Variants in NAALADL2 observed in about 807,000 individuals in gnomAD.
NAALADL2 encodes the protein inactive N-acetylated-alpha-linked acidic dipeptidase-like protein 2.
A neutral mutation model predicts 87.2 loss-of-function variants in NAALADL2; 76 were observed. The ratio of observed to expected loss-of-function variants is 0.87; its 90% CI spans 0.72 to 1.05. The LOEUF is 1.05. NAALADL2 is among the 50% of genes least tolerant of loss of function. NAALADL2 has a pLI of 0.00. For synonymous variants in NAALADL2, 354 were observed against 331.0 expected, an observed-to-expected ratio of 1.07 and a Z score of -0.75; for missense variants, 1,089 against 945.8, an observed-to-expected ratio of 1.15 and a Z score of -1.99.
At chr3:175,337,206 T>C (rs1762073029) in intron 5 of NAALADL2, among the ~76,000 whole-genome samples, 1 of 152,040 alleles carries the variant, frequency 6.6e-6, no homozygotes, top group South Asian at 2.1e-4. Flanking sequence ...CAAAAGAGTC[T>C]TGGTTGGTCT....
chr3:175,589,017 A>G (rs886987300), intron 10 of NAALADL2, among the ~76,000 whole-genome samples: 12 of 152,184 alleles, frequency 7.9e-5, no homozygotes, highest in African/African-American at 2.9e-4. Flanking sequence ...ATACCAAAAT[A>G]TTTTAGGCAA....
chr3:175,091,436 T>C (rs1009462876), intron 1 of NAALADL2, among the ~76,000 whole-genome samples: 2 of 152,056 alleles, frequency 1.3e-5, no homozygotes, highest in African/African-American at 4.8e-5. Context: ...TCATAGGAAA[T>C]TGAGATTCTG....
rs143996583 is a variant in NAALADL2 at position 174,871,481 on chromosome 3, A to G, written c.43+12031A>G. Reference sequence around the variant, plus strand: ...CCAGTGAAAGTTTGCCACATAGGCTAAAAATGAAGGATGAAGGATTATTAT... The same window carrying G: ...CCAGTGAAAGTTTGCCACATAGGCTGAAAATGAAGGATGAAGGATTATTAT... On this transcript the variant is annotated intron_variant, in intron 1 of 13. Coordinates refer to ENST00000454872, the MANE Select transcript of NAALADL2 (RefSeq NM_207015.3). Among the ~76,000 whole-genome samples the G allele has an allele frequency of 1.6e-4, 25 of 152,354 alleles. No individual in the cohort carries two copies. In the East Asian group the frequency reaches 4.0e-3, roughly 25 times the overall value.
chr3:175,653,004 C>T (rs1214159453), intron 11 of NAALADL2, among the ~76,000 whole-genome samples: 3 of 152,050 alleles, frequency 2.0e-5, no homozygotes, highest in African/African-American at 4.8e-5. Context: ...ATGTATTGTA[C>T]ACTGTATTCT....
intron 4 of NAALADL2, among the ~76,000 whole-genome samples, chr3:175,264,786 T>G (rs1332339329): frequency 6.6e-6 from 1 of 151,586 alleles, no homozygotes; most frequent in Non-Finnish European, 1.5e-5. Context: ...ATTAAGGTGA[T>G]GAAATTATAT....
At chr3:175,784,175 G>GTGTC (rs1276498106) in intron 13 of NAALADL2, among the ~76,000 whole-genome samples, 1 of 148,470 alleles carries the variant, frequency 6.7e-6, no homozygotes, top group East Asian at 2.0e-4. Context: ...TTTTTTGGTT[G>GTGTC]TGTCTCTGCC....
chr3:175,273,791 A>G (rs1581218662), intron 4 of NAALADL2, among the ~76,000 whole-genome samples: 1 of 152,118 alleles, frequency 6.6e-6, no homozygotes, highest in East Asian at 1.9e-4. Context: ...ATATACATCT[A>G]TTATGGATAA....
At chr3:174,991,297 AAT>A (rs1746708081) in intron 1 of NAALADL2, among the ~76,000 whole-genome samples, 1 of 152,114 alleles carries the variant, frequency 6.6e-6, no homozygotes, top group South Asian at 2.1e-4. Context: ...ACATTCTAGT[AAT>A]AGAGATTTAA....
chr3:175,246,480 T>C (rs1383374982), intron 3 of NAALADL2, among the ~76,000 whole-genome samples: 3 of 152,166 alleles, frequency 2.0e-5, no homozygotes, highest in African/African-American at 7.2e-5. Flanking sequence ...ATGTCAAGTC[T>C]AAAAGACTTC....
intron 13 of NAALADL2, among the ~76,000 whole-genome samples, chr3:175,763,956 G>C (rs1221823963): frequency 1.3e-5 from 2 of 151,992 alleles, no homozygotes; most frequent in Non-Finnish European, 2.9e-5. Context: ...TCTTTCATTT[G>C]GATTGATTTG....
At chr3:175,129,935 C>A (rs139802207) in intron 2 of NAALADL2, among the ~76,000 whole-genome samples, 1,889 of 152,248 alleles carry the variant, frequency 0.012, 30 homozygotes, top group African/African-American at 0.041. Context: ...ACATTCCCAA[C>A]AATAGTGTAC....
intron 3 of NAALADL2, among the ~76,000 whole-genome samples, chr3:174,848,701 T>C (rs376817894): frequency 6.6e-6 from 1 of 152,228 alleles, no homozygotes; most frequent in Non-Finnish European, 1.5e-5. Context: ...TTTTGTAATG[T>C]GTGTTTTAAA....
At chr3:175,703,398 T>C (rs1739244216) in intron 11 of NAALADL2, among the ~76,000 whole-genome samples, 1 of 152,160 alleles carries the variant, frequency 6.6e-6, no homozygotes, top group African/African-American at 2.4e-5. Context: ...CAGTCCCCAA[T>C]ACATGTACTA....
intron 1 of NAALADL2, among the ~76,000 whole-genome samples, chr3:174,441,216 G>C (rs1386815605): frequency 6.6e-6 from 1 of 151,908 alleles, no homozygotes; most frequent in Non-Finnish European, 1.5e-5. Context: ...AAGTACGGGG[G>C]CCGAGGGGCG....
At chr3:175,578,716 CAA>C (rs1006726855) in intron 10 of NAALADL2, among the ~76,000 whole-genome samples, 45 of 152,212 alleles carry the variant, frequency 3.0e-4, no homozygotes, top group African/African-American at 1.0e-3. Flanking sequence ...ACTATTATAC[CAA>C]AGACTGCAAA....
chr3:175,792,582 G>A (rs1274681479), intron 13 of NAALADL2, among the ~76,000 whole-genome samples: 1 of 152,022 alleles, frequency 6.6e-6, no homozygotes, highest in East Asian at 1.9e-4. Context: ...AAATTCTTTA[G>A]GTCAAAGAAA....
chr3:174,656,717 A>C (rs1020321084), intron 2 of NAALADL2, among the ~76,000 whole-genome samples: 2 of 152,104 alleles, frequency 1.3e-5, no homozygotes, highest in African/African-American at 4.8e-5. Flanking sequence ...TGCTGTTTCC[A>C]TTTGATTTTC....
intron 3 of NAALADL2, among the ~76,000 whole-genome samples, chr3:174,833,075 A>G (rs1311653797): frequency 2.0e-5 from 3 of 152,158 alleles, no homozygotes; most frequent in Non-Finnish European, 4.4e-5. Flanking sequence ...AAATAGTATT[A>G]ACTTTTAAAT....
chr3:175,103,719 T>C (rs1017806626), intron 2 of NAALADL2, among the ~76,000 whole-genome samples: 26 of 152,312 alleles, frequency 1.7e-4, no homozygotes, highest in African/African-American at 6.3e-4. Flanking sequence ...GATGAATTTT[T>C]CTTTTCTGGA....
Sources: allele counts gnomAD v4.1 joint callset (sites outside exome capture counted in the v4.1 genomes callset), GRCh38; gene constraint gnomAD v4.1.1; transcripts MANE v1.5; gene names NCBI Gene and HGNC (gene_info 2026-07-23, HGNC 2026-07-21).